The following DNAH3 variants were observed in gnomAD, a reference collection of about 807,000 sequenced individuals.
DNAH3 encodes axonemal beta dynein heavy chain 3.
In DNAH3, 332 loss-of-function variants were observed where a neutral mutation model predicts 432.5. That is an observed-to-expected ratio of 0.77 (90% CI 0.70 to 0.84). The LOEUF is 0.84. Among genes scored for constraint, DNAH3 ranks in the 40% least tolerant of loss-of-function variants. The pLI, the probability that DNAH3 is intolerant of heterozygous loss-of-function variation, is 0.00. For synonymous variants in DNAH3, 1,956 were observed against 1,900.2 expected (o/e 1.03, Z -0.76); for missense variants, 4,861 against 5,114.0 (o/e 0.95, Z 1.51).
At chr16:21,140,807 A>G in intron 4 of DNAH3, 97 bp from the exon 6 acceptor site, 1 of 1,108,096 alleles carries the variant, frequency 9.0e-7, no homozygotes, top group Non-Finnish European at 1.3e-6. Flanking sequence ...GTGGTTCTGC[A>G]AATAGAAGCC....
At chr16:21,153,903 A>C (rs927459459) in intron 1 of DNAH3, among the ~76,000 whole-genome samples, 1 of 152,184 alleles carries the variant, frequency 6.6e-6, no homozygotes. Context: ...CATCCTTTCA[A>C]AATAACCCTG....
At chr16:20,964,401 G>T (rs993987976) in exon 53 of DNAH3, 2 of 1,614,038 alleles carry the variant, frequency 1.2e-6, no homozygotes, top group South Asian at 2.2e-5. Flanking sequence ...AATATTCAAT[G>T]ATGTTTTCAC....
At chr16:21,080,116 G>GC (rs2152772309) in intron 20 of DNAH3, among the ~76,000 whole-genome samples, 2 of 152,138 alleles carry the variant, frequency 1.3e-5, no homozygotes, top group East Asian at 3.9e-4. Flanking sequence ...GGCCAATGTG[G>GC]TGAAACCCCG....
intron 53 of DNAH3, among the ~76,000 whole-genome samples, chr16:20,959,651 ACACACC>A (rs931278023): frequency 1.4e-5 from 2 of 145,238 alleles, no homozygotes; most frequent in African/African-American, 5.1e-5. Flanking sequence ...ACACACACAC[ACACACC>A]CCAACACAAA....
Position 21,125,158 on chromosome 16 carries a change from G to A in DNAH3, c.1404+17C>T. On this transcript the variant is annotated intron_variant, in intron 9 of 61. Coordinates refer to ENST00000261383, the Ensembl canonical transcript of DNAH3. ...GTTATTCCCCTCAAAAGGTCCAAATGCAGGTCCCTGACTTACTTTGTGTAT... is the reference window on the plus strand; with the variant it reads ...GTTATTCCCCTCAAAAGGTCCAAATACAGGTCCCTGACTTACTTTGTGTAT... 1 of 1,578,322 alleles carries A rather than the reference G, an allele frequency of 6.3e-7. No individual in the cohort carries two copies. The highest frequency in any genetic ancestry group is 1.3e-5 in the African/African-American group (1 of 74,090).
intron 44 of DNAH3, among the ~76,000 whole-genome samples, chr16:20,989,922 C>T (rs901717566): frequency 6.6e-6 from 1 of 152,250 alleles, no homozygotes; most frequent in Non-Finnish European, 1.5e-5. Flanking sequence ...GCAGGGCCGG[C>T]CGGCTGCTCC....
intron 7 of DNAH3, among the ~76,000 whole-genome samples, chr16:21,131,396 G>T (rs550763066): frequency 6.9e-6 from 1 of 145,520 alleles, no homozygotes; most frequent in African/African-American, 2.6e-5. Context: ...AAGGAAGGAA[G>T]GACAAACAGG....
chr16:21,045,964 T>C (rs1347105788), intron 31 of DNAH3, among the ~76,000 whole-genome samples: 1 of 151,252 alleles, frequency 6.6e-6, no homozygotes, highest in Non-Finnish European at 1.5e-5. Flanking sequence ...GGTTGTTCAG[T>C]TTCCATGTAG....
At chr16:21,132,230 C>A (rs1011582066) in intron 7 of DNAH3, among the ~76,000 whole-genome samples, 1 of 152,134 alleles carries the variant, frequency 6.6e-6, no homozygotes, top group Non-Finnish European at 1.5e-5. Context: ...GTTCTCCAAG[C>A]CACAGGGCTC....
chr16:21,012,673 T>C (rs191979347), intron 41 of DNAH3, among the ~76,000 whole-genome samples: 99 of 152,360 alleles, frequency 6.5e-4, no homozygotes, highest in African/African-American at 2.3e-3. Flanking sequence ...TTTATTACTT[T>C]ATTCAACAAT....
At chr16:20,963,610 C>A (rs779259453) in exon 53 of DNAH3, 2 of 1,613,832 alleles carry the variant, frequency 1.2e-6, no homozygotes, top group Non-Finnish European at 1.7e-6. Flanking sequence ...GGCAGATGCA[C>A]GGACAATCTC....
At chr16:21,151,722 C>T (rs550094601) in intron 1 of DNAH3, among the ~76,000 whole-genome samples, 2 of 152,242 alleles carry the variant, frequency 1.3e-5, no homozygotes, top group South Asian at 2.1e-4. Context: ...ATCAATATTA[C>T]GATAAACACA....
At chr16:21,000,370 G>A in exon 43 of DNAH3, 1 of 1,614,154 alleles carries the variant, frequency 6.2e-7, no homozygotes, top group African/African-American at 1.3e-5. Context: ...CGTATTTTTG[G>A]GAAGGTGGAG....
intron 21 of DNAH3, among the ~76,000 whole-genome samples, chr16:21,072,228 A>ATTTATTT (rs1465472122): frequency 8.4e-6 from 1 of 119,152 alleles, no homozygotes; most frequent in Non-Finnish European, 1.8e-5. Context: ...TTAATTAATT[A>ATTTATTT]ATTAATTAAT....
intron 44 of DNAH3, 71 bp from the exon 45 acceptor site, chr16:20,988,136 T>G: frequency 1.9e-6 from 3 of 1,589,580 alleles, no homozygotes; most frequent in Non-Finnish European, 1.7e-6. Context: ...GACCCTAGGA[T>G]GCACACGAGG....
rs951940615 is a variant in DNAH3 at position 20,950,118 on chromosome 16, G to C, written c.11189-1481C>G. On this transcript the variant is annotated intron_variant, in intron 56 of 61. Transcript: ENST00000261383. ...CGGCATCAGCCTCCTGAGTAGCTGGGACTATGGGTGCAAGCCACTGTGTCC... is the reference window on the plus strand; with the variant it reads ...CGGCATCAGCCTCCTGAGTAGCTGGCACTATGGGTGCAAGCCACTGTGTCC... 3.9e-5 allele frequency among the ~76,000 whole-genome samples: 6 copies of C among 152,170 alleles called. No homozygotes were observed. The South Asian group carries it at 6.2e-4, about 16-fold the overall frequency.
chr16:20,951,927 T>C (rs1342821208), intron 56 of DNAH3, among the ~76,000 whole-genome samples: 2 of 151,810 alleles, frequency 1.3e-5, no homozygotes, highest in Non-Finnish European at 2.9e-5. Flanking sequence ...ATATTTTTAG[T>C]AGAGACAGGT....
intron 16 of DNAH3, among the ~76,000 whole-genome samples, chr16:21,099,718 C>CA (rs930888471): frequency 6.6e-6 from 1 of 151,610 alleles, no homozygotes; most frequent in East Asian, 1.9e-4. Context: ...ACAACAATAA[C>CA]AAAAAAAAGC....
At chr16:20,993,960 A>G (rs2086660634) in intron 44 of DNAH3, among the ~76,000 whole-genome samples, 1 of 152,126 alleles carries the variant, frequency 6.6e-6, no homozygotes, top group Non-Finnish European at 1.5e-5. Flanking sequence ...TCCAGTATGT[A>G]ATTCTCAAAA....
Sources: gnomAD v4.1 joint callset for allele counts (sites outside exome capture counted in the v4.1 genomes callset) on GRCh38, gnomAD v4.1.1 for gene constraint, MANE v1.5 for transcripts, NCBI Gene and HGNC (gene_info 2026-07-23, HGNC 2026-07-21) for gene names.